UMAD1: variants seen among roughly 807,000 people sequenced by gnomAD.
UMAD1 encodes UBAP1-MVB12-associated (UMA) domain containing 1, also known as UBAP1-MVB12-associated (UMA)-domain containing protein 1.
A neutral mutation model predicts 6.1 loss-of-function variants in UMAD1; 8 were observed. That is an observed-to-expected ratio of 1.30 (90% CI 0.76 to 2.35). The LOEUF (loss-of-function observed/expected upper bound fraction) is 2.35. Ranked by LOEUF, UMAD1 falls within the 30% of genes most tolerant of loss-of-function variation. UMAD1 has a pLI of 0.00. For missense variants in UMAD1, 130 were observed against 78.4 expected, an observed-to-expected ratio of 1.66 and a Z score of -2.49; for synonymous variants, 56 against 31.4, an observed-to-expected ratio of 1.78 and a Z score of -2.61.
intron 2 of UMAD1, among the ~76,000 whole-genome samples, chr7:7,706,716 T>C (rs763505794): frequency 2.0e-5 from 3 of 152,298 alleles, no homozygotes; most frequent in Non-Finnish European, 2.9e-5. Context: ...GTCGATGAGG[T>C]TGACTAACTT....
intron 2 of UMAD1, among the ~76,000 whole-genome samples, chr7:7,779,586 C>A (rs1407940706): frequency 2.0e-5 from 3 of 152,172 alleles, no homozygotes; most frequent in African/African-American, 7.2e-5. Flanking sequence ...GCATGAGCCA[C>A]CATGCCCAGC....
intron 1 of UMAD1, among the ~76,000 whole-genome samples, chr7:7,654,827 C>G (rs947695019): frequency 6.6e-6 from 1 of 150,780 alleles, no homozygotes; most frequent in Non-Finnish European, 1.5e-5. Flanking sequence ...TCGCTTGAAC[C>G]TGGAGGCAGA....
intron 2 of UMAD1, among the ~76,000 whole-genome samples, chr7:7,685,109 G>A (rs116376500): frequency 0.018 from 2,725 of 152,160 alleles, 78 homozygotes; most frequent in African/African-American, 0.063. Flanking sequence ...GAGACTCTAA[G>A]TAAAATGTAC....
intron 2 of UMAD1, among the ~76,000 whole-genome samples, chr7:7,767,126 C>G (rs1025258797): frequency 9.3e-6 from 1 of 107,680 alleles, no homozygotes; most frequent in Admixed American, 8.8e-5. Context: ...AGAAATTAAG[C>G]TCTTTTTTTT....
chr7:7,715,652 G>T (rs915159538), intron 2 of UMAD1, among the ~76,000 whole-genome samples: 8 of 152,042 alleles, frequency 5.3e-5, no homozygotes, highest in African/African-American at 1.9e-4. Context: ...TGAAAATAAA[G>T]ATCCACAAAT....
rs1301912488 is a variant in UMAD1, at chr7:7,748,190, C to T, written c.83-53480C>T. 4.0e-5 allele frequency among the ~76,000 whole-genome samples: 6 copies of T among 151,364 alleles called. No individual in the cohort carries two copies. The South Asian group carries it at 6.2e-4, about 16-fold the overall frequency. On this transcript the variant is annotated intron_variant, in intron 2 of 3. Transcript: ENST00000682710. Reference sequence around the variant, plus strand: ...TGATCTCTTGACATCATGATCCGCCCGCCTCGGCCTCCCAAAGTCCTGGGA... The same window carrying T: ...TGATCTCTTGACATCATGATCCGCCTGCCTCGGCCTCCCAAAGTCCTGGGA...
intron 2 of UMAD1, among the ~76,000 whole-genome samples, chr7:7,744,424 T>C (rs1781529682): frequency 6.6e-6 from 1 of 152,198 alleles, no homozygotes; most frequent in Non-Finnish European, 1.5e-5. Context: ...TTCATTTCAT[T>C]GAGTGTATAC....
intron 1 of UMAD1, among the ~76,000 whole-genome samples, chr7:7,643,557 A>G (rs549751968): frequency 6.6e-6 from 1 of 152,172 alleles, no homozygotes; most frequent in Non-Finnish European, 1.5e-5. Flanking sequence ...CTAAATATAC[A>G]AAAAAGTATC....
chr7:7,748,365 A>C (rs1387326778), intron 2 of UMAD1, among the ~76,000 whole-genome samples: 1 of 152,196 alleles, frequency 6.6e-6, no homozygotes, highest in African/African-American at 2.4e-5. Flanking sequence ...AAATTATAAC[A>C]TATGAATTCA....
intron 3 of UMAD1, among the ~76,000 whole-genome samples, chr7:7,854,398 C>A (rs1478890252): frequency 4.1e-5 from 6 of 145,320 alleles, no homozygotes; most frequent in African/African-American, 1.5e-4. Context: ...ATTTAATTGA[C>A]TCACAGTTCC....
chr7:7,754,610 G>A (rs1781740086), intron 2 of UMAD1, among the ~76,000 whole-genome samples: 1 of 152,156 alleles, frequency 6.6e-6, no homozygotes, highest in South Asian at 2.1e-4. Flanking sequence ...TGTAGCTATG[G>A]AGAACTTGAA....
intron 2 of UMAD1, among the ~76,000 whole-genome samples, chr7:7,708,390 A>G (rs780584130): frequency 6.6e-6 from 1 of 152,224 alleles, no homozygotes; most frequent in Non-Finnish European, 1.5e-5. Context: ...GATATATATT[A>G]TAAATTGTTT....
At chr7:7,846,539 C>G (rs1365072502) in intron 3 of UMAD1, among the ~76,000 whole-genome samples, 1 of 151,994 alleles carries the variant, frequency 6.6e-6, no homozygotes, top group Non-Finnish European at 1.5e-5. Flanking sequence ...ACAGATGATA[C>G]TATCTTAAAA....
At chr7:7,686,432 G>C (rs1158512784) in intron 2 of UMAD1, among the ~76,000 whole-genome samples, 3 of 152,074 alleles carry the variant, frequency 2.0e-5, no homozygotes, top group African/African-American at 7.2e-5. Context: ...TTTTTTATCA[G>C]AAATTTATTG....
intron 2 of UMAD1, among the ~76,000 whole-genome samples, chr7:7,746,513 CA>C (rs1781577362): frequency 6.6e-6 from 1 of 152,214 alleles, no homozygotes; most frequent in South Asian, 2.1e-4. Flanking sequence ...TCATTTCACA[CA>C]CGTTGCTTAA....
chr7:7,736,372 A>T (rs1485261819), intron 2 of UMAD1: 1 of 153,054 alleles, frequency 6.5e-6, no homozygotes. Flanking sequence ...TCACAGTTCA[A>T]TTTTCCACCT....
At chr7:7,736,398 G>A (rs1279071858) in intron 2 of UMAD1, 1 of 153,076 alleles carries the variant, frequency 6.5e-6, no homozygotes, top group African/African-American at 2.4e-5. Flanking sequence ...TTTGATGAAG[G>A]TGGGTTTAAA....
chr7:7,688,363 G>A (rs1287817709), intron 2 of UMAD1, among the ~76,000 whole-genome samples: 1 of 152,064 alleles, frequency 6.6e-6, no homozygotes, highest in Non-Finnish European at 1.5e-5. Context: ...TAGAATGTGA[G>A]AACCTTTTTA....
chr7:7,758,886 C>A (rs1781831160), intron 2 of UMAD1, among the ~76,000 whole-genome samples: 1 of 152,200 alleles, frequency 6.6e-6, no homozygotes, highest in Admixed American at 6.5e-5. Flanking sequence ...TACTGCCACA[C>A]AAGTTTTTGT....
Sources: gnomAD v4.1 joint callset for allele counts (sites outside exome capture counted in the v4.1 genomes callset) on GRCh38, gnomAD v4.1.1 for gene constraint, MANE v1.5 for transcripts, NCBI Gene and HGNC (gene_info 2026-07-23, HGNC 2026-07-21) for gene names.